RPS6KA2: variants seen among roughly 807,000 people sequenced by gnomAD.
RPS6KA2 encodes ribosomal protein S6 kinase A2, also known as ribosomal protein S6 kinase alpha-2.
A neutral mutation model predicts 91.8 loss-of-function variants in RPS6KA2; 42 were observed. That is an observed-to-expected ratio of 0.46 (90% CI 0.36 to 0.59). The LOEUF is 0.59. Among genes scored for constraint, RPS6KA2 ranks in the 20% least tolerant of loss-of-function variants. The pLI is 0.00. For missense variants in RPS6KA2, 798 were observed against 978.5 expected (o/e 0.82, Z 2.46); for synonymous variants, 414 against 393.6 (o/e 1.05, Z -0.61).
chr6:166,415,656 C>A (rs1778470984), intron 19 of RPS6KA2, among the ~76,000 whole-genome samples: 1 of 152,094 alleles, frequency 6.6e-6, no homozygotes, highest in Admixed American at 6.5e-5. Context: ...AGATGGCCTT[C>A]CAGACACACC....
chr6:166,519,728 A>C (rs1269439596), intron 3 of RPS6KA2, among the ~76,000 whole-genome samples: 17 of 152,198 alleles, frequency 1.1e-4, no homozygotes, highest in Non-Finnish European at 1.5e-5. Flanking sequence ...TATGATATGC[A>C]ACTAGAGCTA....
At chr6:166,742,663 T>A (rs368677262) in intron 2 of RPS6KA2, among the ~76,000 whole-genome samples, 2 of 152,162 alleles carry the variant, frequency 1.3e-5, no homozygotes, top group African/African-American at 4.8e-5. Context: ...AACACCTTCC[T>A]CTTCTGTGCT....
rs79562131 is a variant in RPS6KA2, at chr6:166,626,582, G to T, written c.99+339C>A. On this transcript the variant is annotated intron_variant, in intron 1 of 20. Transcript: ENST00000265678. This position sits in a 1 kb window ranked among gnomAD's most constrained non-coding sequence, Gnocchi z 4.1. The stretch of plus-strand genomic sequence containing the variant: ...CCCCGCGGAGCGCTCCGCGCCACTC[G>T]GCGGTCTAGCTGCAGAGAAAGCCCC... Among the ~76,000 whole-genome samples, 344 of 152,242 alleles carry T rather than the reference G, an allele frequency of 2.3e-3. No individual in the cohort carries two copies. The highest frequency in any genetic ancestry group is 7.8e-3 in the African/African-American group (325 of 41,552).
At chr6:166,446,302 C>T (rs1429570396) in intron 14 of RPS6KA2, among the ~76,000 whole-genome samples, 1 of 152,224 alleles carries the variant, frequency 6.6e-6, no homozygotes, top group East Asian at 1.9e-4. Flanking sequence ...CCACATCTCT[C>T]TAAAAAGTCC....
intron 1 of RPS6KA2, among the ~76,000 whole-genome samples, chr6:166,540,840 G>A (rs1044868149): frequency 3.3e-5 from 5 of 152,260 alleles, no homozygotes; most frequent in African/African-American, 1.2e-4. Context: ...CCTTCCACGC[G>A]GCTGCTGGAG....
At chr6:166,568,013 C>T (rs1784553723) in intron 1 of RPS6KA2, among the ~76,000 whole-genome samples, 1 of 152,204 alleles carries the variant, frequency 6.6e-6, no homozygotes, top group African/African-American at 2.4e-5. Context: ...AACATCCTGT[C>T]TCAGGTCTAG....
At chr6:166,701,056 T>G in intron 2 of RPS6KA2, 2 of 1,438,596 alleles carry the variant, frequency 1.4e-6, no homozygotes, top group Admixed American at 3.3e-5. Context: ...CTGTCTTTGG[T>G]TTGGCATCTG....
At chr6:166,854,655 G>A (rs1453410211) in intron 2 of RPS6KA2, among the ~76,000 whole-genome samples, 2 of 152,194 alleles carry the variant, frequency 1.3e-5, no homozygotes, top group African/African-American at 4.8e-5. Flanking sequence ...ACGTTTATCA[G>A]TTTAGTTGCC....
chr6:166,750,276 G>C (rs1389678570), intron 2 of RPS6KA2, among the ~76,000 whole-genome samples: 1 of 152,190 alleles, frequency 6.6e-6, no homozygotes, highest in Non-Finnish European at 1.5e-5. Flanking sequence ...TCTCCCCTGG[G>C]GGGGTGCTCA....
chr6:166,829,357 T>C (rs956163340), intron 2 of RPS6KA2, among the ~76,000 whole-genome samples: 14 of 152,068 alleles, frequency 9.2e-5, no homozygotes, highest in Non-Finnish European at 1.5e-4. Context: ...TTTAGGAGGC[T>C]GAGGCGGGTG....
At chr6:166,485,958 G>A (rs1265813494) in intron 10 of RPS6KA2, among the ~76,000 whole-genome samples, 1 of 152,178 alleles carries the variant, frequency 6.6e-6, no homozygotes, top group Non-Finnish European at 1.5e-5. Flanking sequence ...TGAGCGCTGA[G>A]CCCTTGCTGC....
At chr6:166,476,750 T>C (rs1163646419) in intron 10 of RPS6KA2, among the ~76,000 whole-genome samples, 1 of 151,890 alleles carries the variant, frequency 6.6e-6, no homozygotes, top group Non-Finnish European at 1.5e-5. Flanking sequence ...TGGGAGGCAA[T>C]GAAGACGCAT....
At chr6:166,766,480 T>C (rs529047779) in intron 2 of RPS6KA2, among the ~76,000 whole-genome samples, 15 of 152,326 alleles carry the variant, frequency 9.8e-5, no homozygotes, top group African/African-American at 3.1e-4. Flanking sequence ...TGGATTTGTG[T>C]GTATGTGTGT....
At chr6:166,587,502 G>A (rs1208160985) in intron 1 of RPS6KA2, among the ~76,000 whole-genome samples, 2 of 152,108 alleles carry the variant, frequency 1.3e-5, no homozygotes, top group African/African-American at 4.8e-5. Context: ...ACCCACGCAT[G>A]TAAAACTCCC....
chr6:166,637,941 G>A (rs1446668747), intron 2 of RPS6KA2, among the ~76,000 whole-genome samples: 1 of 152,266 alleles, frequency 6.6e-6, no homozygotes, highest in Non-Finnish European at 1.5e-5. Context: ...ATAACCCCCT[G>A]GATGAGGAAT....
At chr6:166,467,907 A>T (rs1780603165) in intron 11 of RPS6KA2, among the ~76,000 whole-genome samples, 1 of 152,260 alleles carries the variant, frequency 6.6e-6, no homozygotes, top group Non-Finnish European at 1.5e-5. Context: ...GGCTGGATAA[A>T]TGGAGAAGCA....
At chr6:166,420,456 A>C (rs1778684190) in intron 17 of RPS6KA2, among the ~76,000 whole-genome samples, 1 of 152,112 alleles carries the variant, frequency 6.6e-6, no homozygotes, top group Non-Finnish European at 1.5e-5. Context: ...GTCTGTGTGA[A>C]TCTGACTCCT....
chr6:166,500,489 A>G lies in RPS6KA2; in HGVS notation c.604+398T>C, dbSNP rs892341688. 6.6e-6 allele frequency among the ~76,000 whole-genome samples: 1 copy of G among 152,310 alleles called. No homozygotes were observed. Among genetic ancestry groups the G allele is most frequent in the Admixed American group, 6.5e-5 (1 of 15,300 alleles). On this transcript the variant is annotated intron_variant, in intron 7 of 20. Transcript: ENST00000265678. This position sits in a 1 kb window ranked among gnomAD's most constrained non-coding sequence, Gnocchi z 4.3. ...CAGCAGTGCAGGCCGCACTCCAGCG[A>G]GACTCCAGATGTCTGCCCTCAGGTT...
At chr6:166,526,767 A>G (rs1783060596) in intron 3 of RPS6KA2, among the ~76,000 whole-genome samples, 1 of 152,224 alleles carries the variant, frequency 6.6e-6, no homozygotes, top group Admixed American at 6.5e-5. Context: ...TCTGTTGAAA[A>G]CTTGCAGTAA....
Sources: gnomAD v4.1 joint callset for allele counts (sites outside exome capture counted in the v4.1 genomes callset) on GRCh38, gnomAD v4.1.1 for gene constraint, Gnocchi (gnomAD v3.1) non-coding constraint, MANE v1.5 for transcripts, NCBI Gene and HGNC (gene_info 2026-07-23, HGNC 2026-07-21) for gene names.